NXPE2: variants seen among roughly 807,000 people sequenced by gnomAD.
NXPE2 encodes the protein neurexophilin and PC-esterase domain family member 2, also known as NXPE family member 2.
Under a neutral mutation model 34.4 loss-of-function variants are expected in NXPE2, and 34 were observed. The ratio of observed to expected loss-of-function variants is 0.99; its 90% CI spans 0.75 to 1.31. NXPE2 has a LOEUF of 1.31. Ranked by LOEUF, NXPE2 falls within the 40% of genes most tolerant of loss-of-function variation. The pLI, the probability that NXPE2 is intolerant of heterozygous loss-of-function variation, is 0.00. For missense variants in NXPE2, 649 were observed against 672.5 expected, an observed-to-expected ratio of 0.97 and a Z score of 0.39; for synonymous variants, 235 against 231.3, an observed-to-expected ratio of 1.02 and a Z score of -0.15.
chr11:114,581,914 C>A, the NXPE2 span: 1 of 679,194 alleles, frequency 1.5e-6, no homozygotes, highest in Non-Finnish European at 2.5e-6. Context: ...CAGTTTCAGG[C>A]CATTTAGTAA....
the NXPE2 span, among the ~76,000 whole-genome samples, chr11:114,490,293 A>G: frequency 1.3e-5 from 2 of 152,252 alleles, no homozygotes; most frequent in African/African-American, 4.8e-5. Context: ...AAGATGATTT[A>G]TGGATTCATT....
chr11:114,639,599 C>T, the NXPE2 span, among the ~76,000 whole-genome samples: 9 of 149,340 alleles, frequency 6.0e-5, no homozygotes, highest in South Asian at 4.2e-4. Context: ...TGTTCCTATT[C>T]GGCCATCTTG....
chr11:114,613,276 C>A, the NXPE2 span, among the ~76,000 whole-genome samples: 1 of 151,736 alleles, frequency 6.6e-6, no homozygotes, highest in Non-Finnish European at 1.5e-5. Flanking sequence ...TCACAGGTAA[C>A]CACTGTTACT....
At chr11:114,469,526 C>CT in the NXPE2 span, among the ~76,000 whole-genome samples, 2 of 151,656 alleles carry the variant, frequency 1.3e-5, no homozygotes, top group African/African-American at 4.8e-5. Flanking sequence ...GTCTCGCACT[C>CT]TCGCCTGGGC....
the NXPE2 span, among the ~76,000 whole-genome samples, chr11:114,651,677 T>C: frequency 3.3e-5 from 5 of 152,190 alleles, no homozygotes; most frequent in Non-Finnish European, 7.3e-5. Flanking sequence ...AGAGAGCTGA[T>C]TGGTCTGTTT....
the NXPE2 span, among the ~76,000 whole-genome samples, chr11:114,603,380 C>A: frequency 6.6e-6 from 1 of 151,192 alleles, no homozygotes; most frequent in East Asian, 1.9e-4. Context: ...ATAAGTATTT[C>A]CTCATCTCCT....
At chr11:114,684,214 T>G (rs1951000617) in intron 2 of NXPE2, among the ~76,000 whole-genome samples, 1 of 152,028 alleles carries the variant, frequency 6.6e-6, no homozygotes, top group African/African-American at 2.4e-5. Flanking sequence ...GATCACAAGG[T>G]CAGGAGATCG....
the NXPE2 span, among the ~76,000 whole-genome samples, chr11:114,622,566 T>A: frequency 6.6e-6 from 1 of 152,028 alleles, no homozygotes; most frequent in East Asian, 1.9e-4. Context: ...GCCTCGTGGG[T>A]AACCACTGCT....
the NXPE2 span, among the ~76,000 whole-genome samples, chr11:114,596,755 C>T: frequency 6.6e-6 from 1 of 152,166 alleles, no homozygotes; most frequent in Non-Finnish European, 1.5e-5. Context: ...CTGATGCCAG[C>T]AACCACCCAA....
the NXPE2 span, among the ~76,000 whole-genome samples, chr11:114,633,381 T>TTATATTA: frequency 8.3e-5 from 12 of 144,220 alleles, no homozygotes; most frequent in Non-Finnish European, 1.2e-4. Context: ...ATATTATGTA[T>TTATATTA]TATATTATAT....
the NXPE2 span, among the ~76,000 whole-genome samples, chr11:114,525,512 C>G: frequency 6.6e-6 from 1 of 152,104 alleles, no homozygotes; most frequent in East Asian, 1.9e-4. Flanking sequence ...GAGTCTCTCC[C>G]TCCCATCCCA....
chr11:114,709,042 C>G (rs1422076934), downstream of NXPE2, among the ~76,000 whole-genome samples: 1 of 152,204 alleles, frequency 6.6e-6, no homozygotes, highest in African/African-American at 2.4e-5. Context: ...CCATTAGCCC[C>G]TATAAAAGAG....
At chr11:114,757,202 T>C in the NXPE2 span, among the ~76,000 whole-genome samples, 1 of 152,130 alleles carries the variant, frequency 6.6e-6, no homozygotes, top group African/African-American at 2.4e-5. Flanking sequence ...CAGGAAGCAC[T>C]CAGTAGAATT....
At chr11:114,651,823 A>G in the NXPE2 span, among the ~76,000 whole-genome samples, 1 of 152,142 alleles carries the variant, frequency 6.6e-6, no homozygotes, top group African/African-American at 2.4e-5. Flanking sequence ...TGCATTTACA[A>G]TCCTTTAGCT....
the NXPE2 span, among the ~76,000 whole-genome samples, chr11:114,760,216 T>A: frequency 1.3e-5 from 2 of 152,124 alleles, no homozygotes; most frequent in African/African-American, 4.8e-5. Flanking sequence ...ATAAATGGGA[T>A]TAGTGCCCTT....
chr11:114,812,180 A>G, the NXPE2 span, among the ~76,000 whole-genome samples: 974 of 152,310 alleles, frequency 6.4e-3, 9 homozygotes, highest in African/African-American at 0.022. Flanking sequence ...GCCTGGGAGC[A>G]GAGCTAAGTC....
chr11:114,680,232 T>C (rs1410123604), intron 2 of NXPE2, among the ~76,000 whole-genome samples: 1 of 152,184 alleles, frequency 6.6e-6, no homozygotes, highest in Non-Finnish European at 1.5e-5. Flanking sequence ...AGTACAAACA[T>C]AATCTTTCAG....
the NXPE2 span, among the ~76,000 whole-genome samples, chr11:114,655,521 C>A: frequency 6.6e-6 from 1 of 152,078 alleles, no homozygotes; most frequent in East Asian, 1.9e-4. Flanking sequence ...AGGAAAGGGT[C>A]CAGTTTCAGT....
the NXPE2 span, among the ~76,000 whole-genome samples, chr11:114,759,432 A>T: frequency 6.6e-6 from 1 of 152,224 alleles, no homozygotes; most frequent in Non-Finnish European, 1.5e-5. Context: ...ATGAATTGAC[A>T]CATAAAAGAC....
Sources: gnomAD v4.1 joint callset for allele counts (sites outside exome capture counted in the v4.1 genomes callset) on GRCh38, gnomAD v4.1.1 for gene constraint, MANE v1.5 for transcripts, NCBI Gene and HGNC (gene_info 2026-07-23, HGNC 2026-07-21) for gene names.